PPHLN1: variants seen among roughly 807,000 people sequenced by gnomAD.
The protein encoded by PPHLN1 is periphilin 1.
PPHLN1 carries 29 observed loss-of-function variants against 51.3 expected under a neutral mutation model. The observed-to-expected ratio is 0.57, with a 90% CI of 0.42 to 0.77. The LOEUF is 0.77. Among genes scored for constraint, PPHLN1 ranks in the 30% least tolerant of loss-of-function variants. The pLI is 0.00. For missense variants in PPHLN1, 436 were observed against 438.4 expected (o/e 0.99, Z 0.05); for synonymous variants, 147 against 147.8 (o/e 0.99, Z 0.04).
chr12:42,387,442 G>T lies in PPHLN1; in HGVS notation c.569-14G>T. Reference sequence around the variant, plus strand: ...AGCTAGAAAAAAAATTACATCTTATGTTTTCTTATATAGATAAAGAGAGGC... The same window carrying T: ...AGCTAGAAAAAAAATTACATCTTATTTTTTCTTATATAGATAAAGAGAGGC... On this transcript the variant is annotated splice_polypyrimidine_tract_variant and intron_variant, in intron 6 of 9. Transcript: ENST00000358314. 6.3e-7 allele frequency: 1 copy of T among 1,574,852 alleles called. No homozygotes were observed. Among genetic ancestry groups the T allele is most frequent in the South Asian group, 1.2e-5 (1 of 83,216 alleles).
chr12:42,371,491 T>C (rs566303569), intron 4 of PPHLN1, among the ~76,000 whole-genome samples: 1 of 152,270 alleles, frequency 6.6e-6, no homozygotes, highest in Non-Finnish European at 1.5e-5. Flanking sequence ...TTTTTAAAAG[T>C]TTTCTACCTT....
In PPHLN1 at chr12:42,374,892, G is replaced by C. The variant is rs1455539233; in HGVS notation, c.329G>C (p.Ser110Thr). The C allele has an allele frequency of 2.5e-6, 4 of 1,607,110 alleles. No individual in the cohort carries two copies. Among genetic ancestry groups the C allele is most frequent in the Admixed American group, 3.4e-5 (2 of 59,448 alleles). Residue 110 changes from serine to threonine, a missense_variant, in exon 5 of 10, where the codon AGT becomes ACT. Physicochemically the swap from Ser to Thr is moderately conservative, Grantham distance 58. Coordinates refer to ENST00000358314, the MANE Select transcript of PPHLN1 (RefSeq NM_201439.2). ...ATGAGAGATGGCTTTAGAAGAAAAA[G>C]TTTCTACTCTTCCCATTATGCGAGA... ...RDMRDGFRRKSFYSSHYARER... is the reference protein window; with the variant it reads ...RDMRDGFRRKTFYSSHYARER...
chr12:42,409,781 A>G lies in PPHLN1; in HGVS notation c.909+10787A>G, dbSNP rs541692178. On this transcript the variant is annotated intron_variant, in intron 9 of 9. Transcript: ENST00000358314. The stretch of plus-strand genomic sequence containing the variant: ...GTACTGAATTGTGTTGCTTATTTCT[A>G]TCTTTAAGATAATTGACGATTATTT... 2.0e-5 allele frequency among the ~76,000 whole-genome samples: 3 copies of G among 152,048 alleles called. No homozygotes were observed. In the East Asian group the frequency reaches 5.8e-4, roughly 29 times the overall value.
intron 9 of PPHLN1, among the ~76,000 whole-genome samples, chr12:42,425,430 A>G (rs1168873305): frequency 1.3e-5 from 2 of 150,280 alleles, no homozygotes; most frequent in African/African-American, 4.9e-5. Context: ...TCTGTCGCCC[A>G]GGCTGGAGTG....
intron 7 of PPHLN1, among the ~76,000 whole-genome samples, chr12:42,389,897 T>C (rs1466168041): frequency 1.3e-5 from 2 of 152,304 alleles, no homozygotes; most frequent in East Asian, 3.9e-4. Flanking sequence ...ATTAATTTCT[T>C]AAGGACATAG....
At chr12:42,381,833 C>T (rs777808140) in intron 5 of PPHLN1, among the ~76,000 whole-genome samples, 3 of 152,150 alleles carry the variant, frequency 2.0e-5, no homozygotes, top group Non-Finnish European at 2.9e-5. Context: ...ATATCTTCAG[C>T]TGTTGAAGAA....
chr12:42,363,214 C>T (rs968182230), intron 4 of PPHLN1, among the ~76,000 whole-genome samples: 1 of 152,118 alleles, frequency 6.6e-6, no homozygotes, highest in Non-Finnish European at 1.5e-5. Flanking sequence ...AATTCCAGAC[C>T]TGACACCAGT....
chr12:42,370,344 C>T (rs2075688704), intron 4 of PPHLN1, among the ~76,000 whole-genome samples: 1 of 152,206 alleles, frequency 6.6e-6, no homozygotes. Flanking sequence ...TACTTTGCCC[C>T]AGAGGATCAG....
intron 9 of PPHLN1, among the ~76,000 whole-genome samples, chr12:42,405,135 G>T (rs1398116710): frequency 6.6e-6 from 1 of 152,228 alleles, no homozygotes; most frequent in East Asian, 1.9e-4. Flanking sequence ...TTCCTTATCT[G>T]TTTTGCTTGT....
intron 9 of PPHLN1, among the ~76,000 whole-genome samples, chr12:42,424,225 G>T (rs1337380880): frequency 6.6e-6 from 1 of 152,126 alleles, no homozygotes; most frequent in South Asian, 2.1e-4. Flanking sequence ...TAGGTATCTG[G>T]AGAAAGTTTA....
rs759407435 is a variant in PPHLN1, at chr12:42,433,225, T to A, written c.910-8090T>A. 433 of 751,096 alleles carry A rather than the reference T, an allele frequency of 5.8e-4. 4 individuals are homozygous for A. Among genetic ancestry groups the A allele is most frequent in the Non-Finnish European group, 3.8e-4 (154 of 400,654 alleles). The allele number at this position is 751,096 out of a possible 1,614,324, so 46.5% of individuals were successfully genotyped here. On this transcript the variant is annotated intron_variant, in intron 9 of 9. Transcript: ENST00000358314. Reference sequence around the variant, plus strand: ...CCACATGGCTCTTGGTCATTTGCTCTTGAATATACCTCTACTTCATCTCCT... The same window carrying A: ...CCACATGGCTCTTGGTCATTTGCTCATGAATATACCTCTACTTCATCTCCT...
intron 9 of PPHLN1, among the ~76,000 whole-genome samples, chr12:42,437,814 A>C (rs974002984): frequency 2.6e-5 from 4 of 152,210 alleles, no homozygotes; most frequent in Non-Finnish European, 5.9e-5. Flanking sequence ...TCATCTGCCT[A>C]AGAAATGTCC....
At chr12:42,355,251 A>C in intron 4 of PPHLN1, 29 bp downstream of exon 4, 1 of 1,576,022 alleles carries the variant, frequency 6.3e-7, no homozygotes, top group East Asian at 2.2e-5. Context: ...TAGCATAAGT[A>C]CTTTGATACT....
At chr12:42,396,398 A>G (rs2078198377) in intron 8 of PPHLN1, among the ~76,000 whole-genome samples, 1 of 152,072 alleles carries the variant, frequency 6.6e-6, no homozygotes, top group African/African-American at 2.4e-5. Flanking sequence ...TTGAGGTACC[A>G]TCCTAGCCAT....
chr12:42,433,005 T>C, intron 9 of PPHLN1: 4 of 1,293,698 alleles, frequency 3.1e-6, no homozygotes, highest in Non-Finnish European at 4.5e-6. Flanking sequence ...GCATTTTCAT[T>C]AGCACACGCC....
At chr12:42,419,998 T>G (rs1488320202) in intron 9 of PPHLN1, among the ~76,000 whole-genome samples, 7 of 152,346 alleles carry the variant, frequency 4.6e-5, no homozygotes, top group African/African-American at 1.7e-4. Context: ...CAAAACTGAC[T>G]TTTAAAGTTA....
chr12:42,331,977 C>G (rs1490136967), intron 1 of PPHLN1: 2 of 152,220 alleles, frequency 1.3e-5, no homozygotes, highest in Non-Finnish European at 2.9e-5. Context: ...TACTTATCAG[C>G]TATTTTTAAA....
intron 9 of PPHLN1, chr12:42,432,124 T>A: frequency 7.5e-7 from 1 of 1,333,230 alleles, no homozygotes; most frequent in Non-Finnish European, 1.1e-6. Context: ...GGGCATCTCC[T>A]GCTGTCACGC....
intron 9 of PPHLN1, among the ~76,000 whole-genome samples, chr12:42,425,806 T>C (rs2081406775): frequency 6.6e-6 from 1 of 152,238 alleles, no homozygotes; most frequent in South Asian, 2.1e-4. Context: ...TACAGTTTGA[T>C]GTGTCCTTCT....
Sources: gnomAD v4.1 joint callset for allele counts (sites outside exome capture counted in the v4.1 genomes callset) on GRCh38, gnomAD v4.1.1 for gene constraint, MANE v1.5 for transcripts, NCBI Gene and HGNC (gene_info 2026-07-23, HGNC 2026-07-21) for gene names.